RCAN2: variants seen among roughly 807,000 people sequenced by gnomAD.
RCAN2 encodes the protein calcipressin-2.
Under a neutral mutation model 23.6 loss-of-function variants are expected in RCAN2, and 9 were observed. The ratio of observed to expected loss-of-function variants is 0.38; its 90% CI spans 0.23 to 0.67. The LOEUF (loss-of-function observed/expected upper bound fraction) is 0.67. RCAN2 is among the 30% of genes least tolerant of loss of function. RCAN2 has a pLI of 0.51. For missense variants in RCAN2, 273 were observed against 302.3 expected (o/e 0.90, Z 0.72); for synonymous variants, 109 against 115.7 (o/e 0.94, Z 0.37).
At chr6:46,257,669 G>T (rs1766963874) in intron 2 of RCAN2, among the ~76,000 whole-genome samples, 1 of 152,144 alleles carries the variant, frequency 6.6e-6, no homozygotes, top group Non-Finnish European at 1.5e-5. Flanking sequence ...CACTAGACGG[G>T]TGGGGATTAT....
chr6:46,383,314 AG>A (rs1027476505), intron 2 of RCAN2, among the ~76,000 whole-genome samples: 1 of 151,968 alleles, frequency 6.6e-6, no homozygotes, highest in Admixed American at 6.6e-5. Context: ...GAATGAAAGA[AG>A]TGGAGGAGGA....
chr6:46,473,420 T>A (rs1159304937), intron 1 of RCAN2, among the ~76,000 whole-genome samples: 1 of 152,138 alleles, frequency 6.6e-6, no homozygotes, highest in African/African-American at 2.4e-5. Flanking sequence ...GTGAACTGAA[T>A]TGTTTAACTG....
At chr6:46,438,148 T>A (rs181341298) in intron 2 of RCAN2, among the ~76,000 whole-genome samples, 4 of 152,282 alleles carry the variant, frequency 2.6e-5, no homozygotes, top group Admixed American at 2.6e-4. Context: ...CAATGCTGAT[T>A]ACACAAGAGG....
intron 2 of RCAN2, among the ~76,000 whole-genome samples, chr6:46,332,343 T>A (rs1764000208): frequency 6.6e-6 from 1 of 152,096 alleles, no homozygotes; most frequent in Non-Finnish European, 1.5e-5. Flanking sequence ...AGTTTTAGGG[T>A]ACATGTGCAC....
In RCAN2 at chr6:46,281,124, AG is replaced by A. The variant is rs202071730; in HGVS notation, c.226-32229del. Among the ~76,000 whole-genome samples the A allele has an allele frequency of 1.2e-3, 182 of 152,056 alleles. 1 individual carries two copies. In the East Asian group the frequency reaches 0.025, roughly 21 times the overall value. ...GCTGAGGTTTGGGGTAGAGTGAGGG[AG>A]GGGGAGAAGAAAAGTCAGAGACACC... On this transcript the variant is annotated intron_variant, in intron 2 of 4. Transcript: ENST00000371374.
intron 2 of RCAN2, among the ~76,000 whole-genome samples, chr6:46,307,213 C>G (rs1268708502): frequency 6.6e-6 from 1 of 152,158 alleles, no homozygotes; most frequent in African/African-American, 2.4e-5. Context: ...AAGACAGGGT[C>G]TCTGCCTGCA....
rs145571384 is a variant in RCAN2, at chr6:46,317,667, G to A, written c.226-68771C>T. 1.5e-3 allele frequency among the ~76,000 whole-genome samples: 225 copies of A among 152,066 alleles called. 1 individual carries two copies. Among genetic ancestry groups the A allele is most frequent in the Middle Eastern group, 6.8e-3 (2 of 294 alleles). ...TTTTTAGTAGAGACGGGGTTTCACC[G>A]TGTTAGCCAGGATGGTCTCGATCTC... On this transcript the variant is annotated intron_variant, in intron 2 of 4. Transcript: ENST00000371374.
At chr6:46,250,436 T>A (rs1433122789) in intron 2 of RCAN2, among the ~76,000 whole-genome samples, 1 of 152,248 alleles carries the variant, frequency 6.6e-6, no homozygotes, top group African/African-American at 2.4e-5. Context: ...TAATTTCTCA[T>A]AACAGTGAGT....
intron 2 of RCAN2, among the ~76,000 whole-genome samples, chr6:46,373,500 G>A (rs988222602): frequency 2.6e-5 from 4 of 152,066 alleles, no homozygotes; most frequent in African/African-American, 7.2e-5. Context: ...CAAGTGATCT[G>A]CCCACCTAGG....
At chr6:46,451,847 C>T (rs914985315) in intron 2 of RCAN2, among the ~76,000 whole-genome samples, 6 of 152,116 alleles carry the variant, frequency 3.9e-5, no homozygotes, top group African/African-American at 1.4e-4. Flanking sequence ...CACCACATGC[C>T]CATTCTAGTA....
intron 1 of RCAN2, among the ~76,000 whole-genome samples, chr6:46,472,601 G>T (rs1221119968): frequency 6.6e-6 from 1 of 152,090 alleles, no homozygotes; most frequent in Admixed American, 6.5e-5. Flanking sequence ...AATGGAGAAA[G>T]ACACAATTGC....
intron 2 of RCAN2, among the ~76,000 whole-genome samples, chr6:46,303,577 C>A (rs979495756): frequency 1.3e-5 from 2 of 152,018 alleles, no homozygotes; most frequent in African/African-American, 2.4e-5. Context: ...ATCATTGTAA[C>A]CCCTGCCCAG....
At chr6:46,440,457 T>C (rs1767504623) in intron 2 of RCAN2, among the ~76,000 whole-genome samples, 1 of 152,170 alleles carries the variant, frequency 6.6e-6, no homozygotes, top group Non-Finnish European at 1.5e-5. Flanking sequence ...GGTGATTTTT[T>C]TCTATTCACA....
intron 2 of RCAN2, among the ~76,000 whole-genome samples, chr6:46,279,278 G>A (rs913176835): frequency 1.3e-5 from 2 of 152,146 alleles, no homozygotes; most frequent in Non-Finnish European, 1.5e-5. Flanking sequence ...ATGGACATTT[G>A]TGGGTACATT....
chr6:46,453,455 C>T (rs1767936713), intron 2 of RCAN2, among the ~76,000 whole-genome samples: 2 of 152,270 alleles, frequency 1.3e-5, no homozygotes, highest in South Asian at 4.1e-4. Flanking sequence ...GGAATTCTGC[C>T]TAACTGAAAA....
chr6:46,303,655 CTCCTCCAA>C (rs1420192811), intron 2 of RCAN2, among the ~76,000 whole-genome samples: 1 of 152,088 alleles, frequency 6.6e-6, no homozygotes, highest in Non-Finnish European at 1.5e-5. Context: ...CAATAACCAC[CTCCTCCAA>C]TCCTCAGGTT....
intron 2 of RCAN2, among the ~76,000 whole-genome samples, chr6:46,407,496 A>T (rs1376953448): frequency 6.6e-6 from 1 of 152,226 alleles, no homozygotes; most frequent in East Asian, 1.9e-4. Flanking sequence ...CATCTTTAAA[A>T]GTTCACATTC....
intron 2 of RCAN2, among the ~76,000 whole-genome samples, chr6:46,436,375 GC>G (rs1767364694): frequency 6.6e-6 from 1 of 152,164 alleles, no homozygotes; most frequent in Non-Finnish European, 1.5e-5. Context: ...AGCATGCCCG[GC>G]TAATTTTTTT....
At chr6:46,309,258 G>A (rs1763177400) in intron 2 of RCAN2, among the ~76,000 whole-genome samples, 1 of 152,172 alleles carries the variant, frequency 6.6e-6, no homozygotes. Flanking sequence ...GGCCTGGAAT[G>A]CTTAAGTCTT....
Sources: allele counts gnomAD v4.1 joint callset (sites outside exome capture counted in the v4.1 genomes callset), GRCh38; gene constraint gnomAD v4.1.1; transcripts MANE v1.5; gene names NCBI Gene and HGNC (gene_info 2026-07-23, HGNC 2026-07-21).